The following PCSK5 variants were observed in gnomAD, a reference collection of about 807,000 sequenced individuals.
PCSK5 encodes proprotein convertase subtilisin/kexin type 5.
Under a neutral mutation model 233.2 loss-of-function variants are expected in PCSK5, and 129 were observed. The ratio of observed to expected loss-of-function variants is 0.55; its 90% CI spans 0.48 to 0.64. The LOEUF is 0.64. Among genes scored for constraint, PCSK5 ranks in the 30% least tolerant of loss-of-function variants. The pLI, the probability that PCSK5 is intolerant of heterozygous loss-of-function variation, is 0.00. For missense variants in PCSK5, 2,076 were observed against 2,430.1 expected (o/e 0.85, Z 3.06); for synonymous variants, 825 against 879.2 (o/e 0.94, Z 1.09).
At chr9:76,292,136 C>A in intron 24 of PCSK5, 97 bp from the exon 25 acceptor site, 1 of 749,574 alleles carries the variant, frequency 1.3e-6, no homozygotes. Flanking sequence ...GAAACTATCC[C>A]ACAGGATTGT....
At chr9:76,244,756 G>A (rs1190549615) in intron 24 of PCSK5, among the ~76,000 whole-genome samples, 3 of 152,088 alleles carry the variant, frequency 2.0e-5, no homozygotes, top group Non-Finnish European at 4.4e-5. Flanking sequence ...CTAAACTCAT[G>A]ACCAAAAATG....
chr9:75,905,466 G>A (rs74639060), intron 1 of PCSK5, among the ~76,000 whole-genome samples: 1 of 152,226 alleles, frequency 6.6e-6, no homozygotes, highest in East Asian at 1.9e-4. Context: ...TGCAGTAAGC[G>A]TAATGGTGCC....
chr9:76,234,024 T>C (rs1587788004), intron 22 of PCSK5, among the ~76,000 whole-genome samples: 3 of 152,188 alleles, frequency 2.0e-5, no homozygotes, highest in South Asian at 4.2e-4. Flanking sequence ...TCGTTTCAAA[T>C]GATTACAAAT....
At chr9:76,310,275 T>C (rs1828827739) in intron 29 of PCSK5, among the ~76,000 whole-genome samples, 1 of 150,306 alleles carries the variant, frequency 6.7e-6, no homozygotes, top group Non-Finnish European at 1.5e-5. Context: ...GTTGCAACTA[T>C]GTTAGTGTCC....
In PCSK5 at chr9:75,891,312, C is replaced by T; in HGVS notation, c.131C>T (p.Ala44Val). 1 of 1,559,522 alleles carries T rather than the reference C, an allele frequency of 6.4e-7. No homozygotes were observed. The highest frequency in any genetic ancestry group is 8.6e-7 in the Non-Finnish European group (1 of 1,157,252). The change falls in exon 1 of 38, where the codon GCC (alanine) becomes GTC (valine). Residue 44 changes from alanine (A) to valine (V), a missense_variant. Ala to Val is a moderately conservative substitution (Grantham distance 64). Coordinates refer to ENST00000674117, the MANE Select transcript of PCSK5 (RefSeq NM_001372043.1). ...VYTNHWAVKI[A>V]GGFPEANRIA... ...ACCAACCACTGGGCAGTCAAAATCG[C>T]CGGGGGCTTCCCGGAGGCCAACCGT...
At chr9:76,021,875 C>A (rs1828207985) in intron 3 of PCSK5, among the ~76,000 whole-genome samples, 1 of 152,198 alleles carries the variant, frequency 6.6e-6, no homozygotes, top group Non-Finnish European at 1.5e-5. Flanking sequence ...CCGCTTCTAA[C>A]TTTCTGCCTT....
intron 24 of PCSK5, among the ~76,000 whole-genome samples, chr9:76,283,430 T>A (rs776705832): frequency 6.6e-6 from 1 of 152,256 alleles, no homozygotes; most frequent in Non-Finnish European, 1.5e-5. Context: ...AGGATCTGAA[T>A]GCTCAGATGA....
At chr9:75,937,894 T>G (rs1824129424) in intron 2 of PCSK5, among the ~76,000 whole-genome samples, 1 of 152,228 alleles carries the variant, frequency 6.6e-6, no homozygotes, top group Admixed American at 6.5e-5. Context: ...CTCAGCCTTC[T>G]TAGAATTGGA....
chr9:75,968,983 G>A (rs561677482), intron 2 of PCSK5, among the ~76,000 whole-genome samples: 10 of 147,222 alleles, frequency 6.8e-5, no homozygotes, highest in African/African-American at 1.0e-4. Context: ...TATAGAGAAG[G>A]TCTGGAAGTC....
chr9:76,308,612 A>G (rs1467329808), intron 28 of PCSK5, 33 bp from the exon 29 acceptor site: 2 of 1,273,172 alleles, frequency 1.6e-6, no homozygotes, highest in Non-Finnish European at 2.3e-6. Context: ...TATTCCAAGG[A>G]GAAGCCTGAA....
intron 20 of PCSK5, among the ~76,000 whole-genome samples, chr9:76,223,932 G>A (rs560959480): frequency 1.3e-5 from 2 of 152,294 alleles, no homozygotes; most frequent in South Asian, 4.1e-4. Flanking sequence ...GTGAAAACTT[G>A]TGCCTGTAAG....
intron 24 of PCSK5, among the ~76,000 whole-genome samples, chr9:76,282,145 T>TTTC (rs1827894125): frequency 2.0e-5 from 2 of 98,906 alleles, no homozygotes; most frequent in Non-Finnish European, 4.1e-5. Context: ...TTTTTTTTTT[T>TTTC]TTCGCTCTGT....
At chr9:76,187,269 T>A (rs1824148778) in intron 17 of PCSK5, among the ~76,000 whole-genome samples, 3 of 152,186 alleles carry the variant, frequency 2.0e-5, no homozygotes, top group Non-Finnish European at 4.4e-5. Context: ...TAGATACTGA[T>A]CTTCTAGTTT....
intron 24 of PCSK5, among the ~76,000 whole-genome samples, chr9:76,251,595 G>A (rs1437505704): frequency 2.0e-5 from 3 of 148,510 alleles, no homozygotes; most frequent in Non-Finnish European, 3.0e-5. Context: ...GAAAGAAAAA[G>A]AAAAGTACTT....
rs1004298163 is a variant in PCSK5 at position 76,332,717 on chromosome 9, T to C, written c.4748+107T>C. On this transcript the variant is annotated intron_variant, in intron 34 of 37. Transcript: ENST00000674117. ...ATTCAGAACACTTATAAAACCAGGT[T>C]GAAGTCTCAGTGCTAGTAAGGAGCA... 30 of 845,746 alleles carry C rather than the reference T, an allele frequency of 3.5e-5. No homozygotes were observed. The Admixed American group carries it at 7.7e-4, about 22-fold the overall frequency. 52.4% of individuals were successfully genotyped at this position (845,746 alleles called of 1,614,324 possible). A position where few individuals can be genotyped will look rare whatever the true frequency, so the allele number is the denominator to read the frequency against.
chr9:76,217,788 C>T (rs906910164), intron 20 of PCSK5, among the ~76,000 whole-genome samples: 1 of 152,182 alleles, frequency 6.6e-6, no homozygotes, highest in African/African-American at 2.4e-5. Flanking sequence ...CTCTGGACAG[C>T]CTAAAGCTCT....
intron 7 of PCSK5, among the ~76,000 whole-genome samples, chr9:76,078,547 T>G (rs1830719737): frequency 6.6e-6 from 1 of 152,200 alleles, no homozygotes; most frequent in Non-Finnish European, 1.5e-5. Flanking sequence ...CTTTCTCTAT[T>G]ACTTATCCCA....
chr9:76,200,973 TCAGA>T (rs1374555890), intron 20 of PCSK5, among the ~76,000 whole-genome samples: 5 of 152,332 alleles, frequency 3.3e-5, no homozygotes, highest in Admixed American at 2.6e-4. Context: ...AAGCATTCAC[TCAGA>T]CAGAATGCTG....
intron 1 of PCSK5, among the ~76,000 whole-genome samples, chr9:75,918,222 A>G (rs902225799): frequency 2.0e-5 from 3 of 152,208 alleles, no homozygotes; most frequent in Non-Finnish European, 4.4e-5. Flanking sequence ...TATGCAGGGT[A>G]TATTTGTGCT....
Sources: allele counts gnomAD v4.1 joint callset (sites outside exome capture counted in the v4.1 genomes callset), GRCh38; gene constraint gnomAD v4.1.1; transcripts MANE v1.5; gene names NCBI Gene and HGNC (gene_info 2026-07-23, HGNC 2026-07-21).